The following SNTG1 variants were observed in gnomAD, a reference collection of about 807,000 sequenced individuals.
The protein encoded by SNTG1 is gamma-1-syntrophin.
A neutral mutation model predicts 74.7 loss-of-function variants in SNTG1; 39 were observed. That is an observed-to-expected ratio of 0.52 (90% CI 0.40 to 0.68). The LOEUF (loss-of-function observed/expected upper bound fraction) is 0.68, where lower values mean the gene tolerates loss of function less well. Among genes scored for constraint, SNTG1 ranks in the 30% least tolerant of loss-of-function variants. The probability of loss-of-function intolerance (pLI) is 0.00; values close to 1 mark genes in which losing one functional copy is unlikely to be tolerated. For missense variants in SNTG1, 685 were observed against 609.5 expected (o/e 1.12, Z -1.30); for synonymous variants, 254 against 217.1 (o/e 1.17, Z -1.49).
At chr8:50,291,240 A>ATG (rs1491581283) in intron 2 of SNTG1, among the ~76,000 whole-genome samples, 3 of 81,078 alleles carry the variant, frequency 3.7e-5, no homozygotes, top group Non-Finnish European at 8.3e-5. Context: ...AGAGACAGAC[A>ATG]TATGTGTGTG....
intron 12 of SNTG1, among the ~76,000 whole-genome samples, chr8:50,586,235 C>A (rs1002450163): frequency 2.0e-5 from 3 of 152,314 alleles, no homozygotes; most frequent in Middle Eastern, 3.4e-3. Context: ...TAATTATAAT[C>A]ACTACTTATT....
intron 1 of SNTG1, among the ~76,000 whole-genome samples, chr8:50,065,858 A>T (rs1212365088): frequency 6.7e-6 from 1 of 149,972 alleles, no homozygotes; most frequent in Non-Finnish European, 1.5e-5. Context: ...TCTTCCTAGG[A>T]TGTTTTGTCT....
chr8:50,495,463 CTTT>C (rs66691982), intron 8 of SNTG1, among the ~76,000 whole-genome samples: 5 of 130,052 alleles, frequency 3.8e-5, no homozygotes, highest in African/African-American at 8.2e-5. Context: ...ATGTCAAATT[CTTT>C]TTTTTTTTTT....
chr8:49,971,620 T>C (rs938094310), intron 1 of SNTG1, among the ~76,000 whole-genome samples: 3 of 152,114 alleles, frequency 2.0e-5, no homozygotes, highest in African/African-American at 7.2e-5. Context: ...AAAACCCCAT[T>C]GTCTCAGTCC....
chr8:50,645,693 A>G (rs987013829), intron 13 of SNTG1, among the ~76,000 whole-genome samples: 1 of 152,190 alleles, frequency 6.6e-6, no homozygotes, highest in Non-Finnish European at 1.5e-5. Flanking sequence ...GTGCTTATGA[A>G]GGGCTCGTGG....
intron 5 of SNTG1, 29 bp downstream of exon 5, chr8:50,438,628 A>G (rs746602274): frequency 1.9e-6 from 3 of 1,581,090 alleles, no homozygotes; most frequent in Non-Finnish European, 8.7e-7. Flanking sequence ...CTATCCTTAC[A>G]AAGGCCATGC....
At chr8:50,174,883 C>T (rs1266110209) in intron 2 of SNTG1, among the ~76,000 whole-genome samples, 3 of 135,410 alleles carry the variant, frequency 2.2e-5, no homozygotes, top group Admixed American at 8.0e-5. Context: ...CACAACAGTC[C>T]CCGGTGTGTG....
intron 2 of SNTG1, among the ~76,000 whole-genome samples, chr8:50,206,296 T>G (rs936859174): frequency 6.6e-6 from 1 of 152,168 alleles, no homozygotes; most frequent in Non-Finnish European, 1.5e-5. Flanking sequence ...CCCTTGTCAG[T>G]TGGATTCCTA....
At chr8:50,307,280 A>G (rs991290113) in intron 2 of SNTG1, among the ~76,000 whole-genome samples, 4 of 152,098 alleles carry the variant, frequency 2.6e-5, no homozygotes, top group East Asian at 1.9e-4. Context: ...GTCCAATTTT[A>G]GCTACTGCCA....
chr8:49,965,534 A>C (rs1210928147), intron 1 of SNTG1, among the ~76,000 whole-genome samples: 2 of 152,146 alleles, frequency 1.3e-5, no homozygotes, highest in African/African-American at 4.8e-5. Flanking sequence ...GCTCAAGAGA[A>C]TCCTGCTCTG....
At chr8:50,628,871 A>G (rs1315334581) in intron 13 of SNTG1, among the ~76,000 whole-genome samples, 1 of 152,188 alleles carries the variant, frequency 6.6e-6, no homozygotes, top group African/African-American at 2.4e-5. Flanking sequence ...ACAGTTACCT[A>G]TCAACATGTA....
intron 8 of SNTG1, among the ~76,000 whole-genome samples, chr8:50,469,686 A>G (rs1355434379): frequency 2.6e-5 from 4 of 152,076 alleles, no homozygotes; most frequent in Non-Finnish European, 5.9e-5. Context: ...CTTAGATTAA[A>G]AGCCTCCTTA....
intron 2 of SNTG1, among the ~76,000 whole-genome samples, chr8:50,176,135 T>G (rs1563697882): frequency 6.6e-6 from 1 of 152,146 alleles, no homozygotes. Flanking sequence ...TTTTTGCTAT[T>G]GTTGCTTTTG....
chr8:50,165,448 T>C (rs2082579220), intron 1 of SNTG1, among the ~76,000 whole-genome samples: 1 of 152,238 alleles, frequency 6.6e-6, no homozygotes, highest in Admixed American at 6.5e-5. Context: ...TTGTGTCCTG[T>C]ATACTGATGT....
chr8:50,526,645 G>A (rs974488553), intron 9 of SNTG1, among the ~76,000 whole-genome samples: 9 of 28,676 alleles, frequency 3.1e-4, no homozygotes, highest in South Asian at 1.7e-3. Flanking sequence ...ATATATACAC[G>A]CATATATATA....
intron 17 of SNTG1, among the ~76,000 whole-genome samples, chr8:50,733,334 A>G (rs1242009602): frequency 6.6e-6 from 1 of 151,838 alleles, no homozygotes; most frequent in Non-Finnish European, 1.5e-5. Flanking sequence ...TCTACCATTG[A>G]TAGGGACTTG....
At chr8:50,056,161 A>T (rs988804298) in intron 1 of SNTG1, among the ~76,000 whole-genome samples, 3 of 151,950 alleles carry the variant, frequency 2.0e-5, no homozygotes, top group Non-Finnish European at 4.4e-5. Flanking sequence ...TTTCCCCGGT[A>T]CTCCTGCTTT....
intron 2 of SNTG1, among the ~76,000 whole-genome samples, chr8:50,294,824 A>T (rs1430272740): frequency 2.0e-5 from 3 of 152,252 alleles, no homozygotes; most frequent in Non-Finnish European, 1.5e-5. Flanking sequence ...ACATTTTCTT[A>T]TCAGTGCCAG....
At chr8:50,147,899 T>C (rs1222824536) in intron 1 of SNTG1, among the ~76,000 whole-genome samples, 3 of 152,154 alleles carry the variant, frequency 2.0e-5, no homozygotes, top group Non-Finnish European at 2.9e-5. Flanking sequence ...CAGGATTTCC[T>C]GGAAAAATGG....
Sources: gnomAD v4.1 joint callset for allele counts (sites outside exome capture counted in the v4.1 genomes callset) on GRCh38, gnomAD v4.1.1 for gene constraint, MANE v1.5 for transcripts, NCBI Gene and HGNC (gene_info 2026-07-23, HGNC 2026-07-21) for gene names.